Variants in STK11 observed in about 807,000 individuals in gnomAD.
STK11 encodes serine/threonine kinase 11.
Under a neutral mutation model 47.3 loss-of-function variants are expected in STK11, and 8 were observed. The ratio of observed to expected loss-of-function variants is 0.17; its 90% CI spans 0.10 to 0.31. STK11 has a LOEUF of 0.31. Among genes scored for constraint, STK11 ranks in the 10% least tolerant of loss-of-function variants. The probability of loss-of-function intolerance (pLI) is 1.00; values close to 1 mark genes in which losing one functional copy is unlikely to be tolerated. For synonymous variants in STK11, 330 were observed against 255.8 expected (o/e 1.29, Z -2.77); for missense variants, 475 against 605.0 (o/e 0.79, Z 2.25).
intron 2 of STK11, among the ~76,000 whole-genome samples, chr19:1,218,725 G>A (rs1248046116): frequency 3.3e-5 from 5 of 152,202 alleles, no homozygotes; most frequent in African/African-American, 1.2e-4. Flanking sequence ...CCCGTGGGGT[G>A]TCAAGTCCCT....
chr19:1,215,406 C>T (rs1341208894), intron 1 of STK11, among the ~76,000 whole-genome samples: 3 of 152,230 alleles, frequency 2.0e-5, no homozygotes, highest in Non-Finnish European at 2.9e-5. Flanking sequence ...GACAGGGCAC[C>T]GGGCACAGCC....
chr19:1,224,741 C>A, intron 8 of STK11: 1 of 985,854 alleles, frequency 1.0e-6, no homozygotes, highest in Non-Finnish European at 1.2e-6. Context: ...CATGACCCTG[C>A]TAAGCCCACT....
At chr19:1,214,202 G>T (rs1230276214) in intron 1 of STK11, among the ~76,000 whole-genome samples, 1 of 152,206 alleles carries the variant, frequency 6.6e-6, no homozygotes, top group Non-Finnish European at 1.5e-5. Flanking sequence ...GTCAGAGGAA[G>T]CCTGGCGATC....
intron 2 of STK11, 142 bp downstream of exon 2, chr19:1,218,642 G>C (rs907609572): frequency 1.3e-6 from 1 of 763,656 alleles, no homozygotes; most frequent in Non-Finnish European, 2.2e-6. Flanking sequence ...TGGTTCCCCG[G>C]AAGTCAGCCA....
chr19:1,207,976 G>A (rs1461069294), intron 1 of STK11, among the ~76,000 whole-genome samples: 1 of 152,234 alleles, frequency 6.6e-6, no homozygotes, highest in Non-Finnish European at 1.5e-5. Flanking sequence ...CCCAGCTGGT[G>A]GGGGTGGCCG....
At chr19:1,223,203 T>G in intron 8 of STK11, 31 bp downstream of exon 8, 1 of 1,593,418 alleles carries the variant, frequency 6.3e-7, no homozygotes, top group East Asian at 2.3e-5. Flanking sequence ...TGCCCGGCTC[T>G]GCTGACTCGG....
chr19:1,209,912 G>A (rs769632173), intron 1 of STK11, among the ~76,000 whole-genome samples: 1 of 152,184 alleles, frequency 6.6e-6, no homozygotes, highest in Non-Finnish European at 1.5e-5. Context: ...TGGACTGTGC[G>A]TCGCAGCTAC....
Position 1,206,233 on chromosome 19 carries a change from C to T in STK11, c.-681C>T, listed in dbSNP as rs1342047489. The stretch of plus-strand genomic sequence containing the variant: ...TCGCGGGCGCCGGGCAGCGACCAGC[C>T]CTGAGCGGAGCTGTTGGCCGCGGCG... On this transcript the variant is annotated 5_prime_UTR_variant, in exon 1 of 10. Coordinates refer to ENST00000326873, the MANE Select transcript of STK11 (RefSeq NM_000455.5). The T allele has an allele frequency of 5.2e-6, 1 of 192,608 alleles. No individual in the cohort carries two copies. Among genetic ancestry groups the T allele is most frequent in the Non-Finnish European group, 1.1e-5 (1 of 92,772 alleles). The allele number at this position is 192,608 out of a possible 1,614,324, so 11.9% of individuals were successfully genotyped here.
At chr19:1,216,815 C>T (rs1434481764) in intron 1 of STK11, among the ~76,000 whole-genome samples, 1 of 147,148 alleles carries the variant, frequency 6.8e-6, no homozygotes. Context: ...CCAGCCTGGG[C>T]GACAGGGAAA....
chr19:1,226,696 G>A (rs2080825425), intron 9 of STK11, 33 bp downstream of exon 9: 1 of 1,462,754 alleles, frequency 6.8e-7, no homozygotes, highest in South Asian at 1.4e-5. Context: ...TGGGGCATGT[G>A]GGGACAACGC....
At chr19:1,217,003 C>T (rs539647761) in intron 1 of STK11, among the ~76,000 whole-genome samples, 4 of 151,840 alleles carry the variant, frequency 2.6e-5, no homozygotes, top group South Asian at 4.2e-4. Context: ...GTGGAAGGGC[C>T]CCTGGGTGGT....
Position 1,205,989 on chromosome 19 carries a change from CG to C in STK11, c.-922del, listed in dbSNP as rs1424007839. On this transcript the variant is annotated 5_prime_UTR_variant, in exon 1 of 10. It introduces an in-frame stop codon into an upstream open reading frame of the 5' UTR. Coordinates refer to ENST00000326873, the MANE Select transcript of STK11 (RefSeq NM_000455.5). ...CGCGCCGCCCGGGGCCCGGCACCTT[CG>C]GGAACCCCCCGGCCCGGAGCCTGCG... 1 of 146,980 alleles carries C rather than the reference CG, an allele frequency of 6.8e-6. No homozygotes were observed. The highest frequency in any genetic ancestry group is 1.5e-5 in the Non-Finnish European group (1 of 66,242). 9.1% of individuals were successfully genotyped at this position (146,980 alleles called of 1,614,324 possible).
intron 1 of STK11, among the ~76,000 whole-genome samples, chr19:1,208,161 C>T (rs1204395284): frequency 6.6e-6 from 1 of 152,150 alleles, no homozygotes; most frequent in African/African-American, 2.4e-5. Context: ...GGACACCCTG[C>T]GCAGGGCACC....
Position 1,206,719 on chromosome 19 carries a change from C to A in STK11, c.-195C>A. 1.3e-6 allele frequency: 1 copy of A among 782,070 alleles called. No individual in the cohort carries two copies. Among genetic ancestry groups the A allele is most frequent in the Non-Finnish European group, 1.9e-6 (1 of 513,878 alleles). 48.4% of individuals were successfully genotyped at this position (782,070 alleles called of 1,614,324 possible). On this transcript the variant is annotated 5_prime_UTR_variant, in exon 1 of 10. Coordinates refer to ENST00000326873, the MANE Select transcript of STK11 (RefSeq NM_000455.5). Reference sequence around the variant, plus strand: ...GCAGACCCTGCACCGGGCTTGGACTCGCAGCCGGGACTGACGTGTAGAACA... The same window carrying A: ...GCAGACCCTGCACCGGGCTTGGACTAGCAGCCGGGACTGACGTGTAGAACA...
intron 1 of STK11, among the ~76,000 whole-genome samples, chr19:1,209,620 A>C (rs990043290): frequency 4.7e-5 from 7 of 149,468 alleles, no homozygotes; most frequent in South Asian, 2.1e-4. Context: ...ATAAATAAAT[A>C]AATAAATCTG....
intron 6 of STK11, 29 bp from the exon 7 acceptor site, chr19:1,221,920 T>C (rs767321294): frequency 1.3e-6 from 2 of 1,550,258 alleles, no homozygotes; most frequent in Admixed American, 3.9e-5. Context: ...TGTGCCCAGC[T>C]GACAGGCTCC....
Position 1,206,759 on chromosome 19 carries a change from A to C in STK11, c.-155A>C, listed in dbSNP as rs2080668108. On this transcript the variant is annotated 5_prime_UTR_variant, in exon 1 of 10. Coordinates refer to ENST00000326873, the MANE Select transcript of STK11 (RefSeq NM_000455.5). ...CGTGTAGAACAATCGTTTCTGTTGG[A>C]AGAAGGGTTTTTCCCTTCCTTTTGG... 1 of 994,394 alleles carries C rather than the reference A, an allele frequency of 1.0e-6. No homozygotes were observed. The highest frequency in any genetic ancestry group is 1.6e-5 in the African/African-American group (1 of 61,150). 61.6% of individuals were successfully genotyped at this position (994,394 alleles called of 1,614,324 possible). A position where few individuals can be genotyped will look rare whatever the true frequency, so the allele number is the denominator to read the frequency against.
rs1264004393 is a variant in STK11, at chr19:1,227,849, G to A, written c.*273G>A. ...CTTCCCGGGCGGGCGTGGGAGGAGG[G>A]AGGCGGCCTCCATGCACTTTATGTG... is the stretch of plus-strand genomic sequence containing the variant. On this transcript the variant is annotated 3_prime_UTR_variant, in exon 10 of 10. Coordinates refer to ENST00000326873, the MANE Select transcript of STK11 (RefSeq NM_000455.5). 1 of 1,070,280 alleles carries A rather than the reference G, an allele frequency of 9.3e-7. No individual in the cohort carries two copies. The highest frequency in any genetic ancestry group is 1.1e-6 in the Non-Finnish European group (1 of 882,464). The allele number at this position is 1,070,280 out of a possible 1,614,324, so 66.3% of individuals were successfully genotyped here.
chr19:1,224,722 C>T (rs1170278414), intron 8 of STK11: 6 of 985,536 alleles, frequency 6.1e-6, no homozygotes, highest in Non-Finnish European at 7.2e-6. Flanking sequence ...GGGGCTGGGC[C>T]ACCTTTTTCA....
Sources: allele counts gnomAD v4.1 joint callset (sites outside exome capture counted in the v4.1 genomes callset), GRCh38; gene constraint gnomAD v4.1.1; transcripts MANE v1.5; gene names NCBI Gene and HGNC (gene_info 2026-07-23, HGNC 2026-07-21).